Variants in RGS12 observed in about 807,000 individuals in gnomAD.
The protein encoded by RGS12 is regulator of G-protein signaling 12.
In RGS12, 66 loss-of-function variants were observed where a neutral mutation model predicts 120.1. The observed-to-expected ratio is 0.55, with a 90% CI of 0.45 to 0.67. The LOEUF (loss-of-function observed/expected upper bound fraction) is 0.67, where lower values mean the gene tolerates loss of function less well. Ranked by LOEUF, RGS12 falls within the 30% of genes least tolerant of loss-of-function variation. The pLI is 0.00. For missense variants in RGS12, 1,859 were observed against 1,957.7 expected, an observed-to-expected ratio of 0.95 and a Z score of 0.95; for synonymous variants, 827 against 804.7, an observed-to-expected ratio of 1.03 and a Z score of -0.47.
chr4:3,315,963 C>T, intron 1 of RGS12, 107 bp from the exon 2 acceptor site: 3 of 470,584 alleles, frequency 6.4e-6, no homozygotes, highest in Non-Finnish European at 1.1e-5. Flanking sequence ...GAGGCTCTTT[C>T]TGTGGTGGTT....
At chr4:3,420,332 T>C in intron 9 of RGS12, 1 of 452,574 alleles carries the variant, frequency 2.2e-6, no homozygotes, top group Non-Finnish European at 4.1e-6. Flanking sequence ...CACGTACTGA[T>C]GTGATTTGTT....
intron 4 of RGS12, among the ~76,000 whole-genome samples, chr4:3,388,944 A>G (rs899261636): frequency 3.3e-5 from 5 of 152,256 alleles, no homozygotes; most frequent in East Asian, 1.9e-4. Context: ...TTGGGGAGCA[A>G]TCTGCTCAGC....
intron 2 of RGS12, among the ~76,000 whole-genome samples, chr4:3,340,523 C>T (rs184064738): frequency 5.1e-4 from 78 of 152,312 alleles, no homozygotes; most frequent in African/African-American, 1.8e-3. Flanking sequence ...AGCGTGGACA[C>T]GGACGCCAGC....
rs1717072245 is a variant in RGS12 at position 3,372,108 on chromosome 4, C to T, written c.1999-14308C>T. Among the ~76,000 whole-genome samples the T allele has an allele frequency of 6.6e-6, 1 of 152,206 alleles. No individual in the cohort carries two copies. The highest frequency in any genetic ancestry group is 1.5e-5 in the Non-Finnish European group (1 of 68,032). On this transcript the variant is annotated intron_variant, in intron 3 of 17. Transcript: ENST00000336727. The surrounding 1 kb of genome is among the most constrained non-coding windows in gnomAD (Gnocchi z 4.3). ...ATAAACCATGTGGCGTCAGGTGTTG[C>T]AGGCTCTGACACTAGTTAGATGCTG... is the stretch of plus-strand genomic sequence containing the variant.
intron 2 of RGS12, among the ~76,000 whole-genome samples, chr4:3,319,678 C>G (rs986516650): frequency 6.6e-6 from 1 of 152,230 alleles, no homozygotes; most frequent in African/African-American, 2.4e-5. Flanking sequence ...TTCCTGAGCT[C>G]AAGCGATCCT....
intron 2 of RGS12, among the ~76,000 whole-genome samples, chr4:3,319,682 CGA>C (rs1725047529): frequency 6.6e-6 from 1 of 152,204 alleles, no homozygotes; most frequent in Non-Finnish European, 1.5e-5. Flanking sequence ...TGAGCTCAAG[CGA>C]TCCTTCTGCC....
At chr4:3,360,598 A>G (rs1715461186) in intron 3 of RGS12, among the ~76,000 whole-genome samples, 1 of 152,190 alleles carries the variant, frequency 6.6e-6, no homozygotes, top group South Asian at 2.1e-4. Context: ...GATATTTTCT[A>G]ATTGTCCTTA....
intron 4 of RGS12, among the ~76,000 whole-genome samples, chr4:3,405,210 G>A (rs749126487): frequency 6.6e-6 from 1 of 152,182 alleles, no homozygotes; most frequent in Non-Finnish European, 1.5e-5. Context: ...ACAGAGCCTC[G>A]GGGTAGTTCT....
Position 3,420,702 on chromosome 4 carries a change from C to CG in RGS12, c.2826dup (p.Ser943GlufsTer51). ...GAGTCGCAGGGCTCTGTGTCCTCTG[C>CG]GGGGAGCCTGGACCTGGTGAGTCAC... On this transcript the variant is annotated frameshift_variant, in exon 10 of 18. Transcript: ENST00000336727. LOFTEE classifies it high-confidence loss of function. 6.2e-7 allele frequency: 1 copy of CG among 1,612,602 alleles called. No individual in the cohort carries two copies. Among genetic ancestry groups the CG allele is most frequent in the Non-Finnish European group, 8.5e-7 (1 of 1,179,962 alleles).
chr4:3,325,693 G>A (rs1162890147), intron 2 of RGS12, among the ~76,000 whole-genome samples: 1 of 152,024 alleles, frequency 6.6e-6, no homozygotes, highest in Non-Finnish European at 1.5e-5. Context: ...CATTTTATGA[G>A]GCCAGTATCA....
At chr4:3,350,488 C>G (rs548951731) in intron 3 of RGS12, among the ~76,000 whole-genome samples, 1 of 152,098 alleles carries the variant, frequency 6.6e-6, no homozygotes, top group Non-Finnish European at 1.5e-5. Context: ...TTGAGACCAG[C>G]CTGGGCAACA....
At chr4:3,320,803 C>T (rs918397106) in intron 2 of RGS12, among the ~76,000 whole-genome samples, 3 of 152,146 alleles carry the variant, frequency 2.0e-5, no homozygotes, top group East Asian at 1.9e-4. Context: ...GTCCGGACGT[C>T]GCCGTGGACA....
intron 9 of RGS12, 107 bp from the exon 10 acceptor site, chr4:3,420,535 G>C: frequency 9.6e-7 from 1 of 1,042,704 alleles, no homozygotes; most frequent in South Asian, 1.3e-5. Context: ...GGTGGGGGGG[G>C]CTTCCTGGCG....
intron 2 of RGS12, chr4:3,342,334 T>G: frequency 1.7e-5 from 18 of 1,075,926 alleles, no homozygotes; most frequent in Non-Finnish European, 2.1e-5. Context: ...AGCATAATGA[T>G]GGGCACAACA....
chr4:3,381,211 A>G (rs1245500126), intron 3 of RGS12, among the ~76,000 whole-genome samples: 1 of 152,142 alleles, frequency 6.6e-6, no homozygotes, highest in Non-Finnish European at 1.5e-5. Context: ...CTCAGCCTGG[A>G]CTTCGTTGTC....
At chr4:3,400,885 A>G (rs1304099169) in intron 4 of RGS12, among the ~76,000 whole-genome samples, 1 of 151,262 alleles carries the variant, frequency 6.6e-6, no homozygotes, top group African/African-American at 2.4e-5. Context: ...AAAAATTCCT[A>G]TTAGAGCCAG....
At chr4:3,382,098 G>A (rs537697528) in intron 3 of RGS12, among the ~76,000 whole-genome samples, 1 of 152,196 alleles carries the variant, frequency 6.6e-6, no homozygotes, top group African/African-American at 2.4e-5. Context: ...TTGTTCCTTT[G>A]TGGCTAGTTA....
the RGS12 span, among the ~76,000 whole-genome samples, chr4:3,286,875 G>T: frequency 8.4e-4 from 128 of 152,352 alleles, no homozygotes; most frequent in African/African-American, 3.0e-3. Flanking sequence ...CCGGTCAGCA[G>T]TGCCTGCGGG....
chr4:3,414,029 G>A (rs749498899), intron 4 of RGS12, 43 bp from the exon 5 acceptor site: 6 of 1,492,394 alleles, frequency 4.0e-6, no homozygotes, highest in Non-Finnish European at 5.4e-6. Flanking sequence ...CTGGGCCGGG[G>A]CGGAGGGCAG....
Sources: gnomAD v4.1 joint callset for allele counts (sites outside exome capture counted in the v4.1 genomes callset) on GRCh38, gnomAD v4.1.1 for gene constraint, Gnocchi (gnomAD v3.1) non-coding constraint, MANE v1.5 for transcripts, NCBI Gene and HGNC (gene_info 2026-07-23, HGNC 2026-07-21) for gene names.